The following ASB3 variants were observed in gnomAD, a reference collection of about 807,000 sequenced individuals.
ASB3 encodes the protein ankyrin repeat and SOCS box protein 3.
A neutral mutation model predicts 54.5 loss-of-function variants in ASB3; 41 were observed. The observed-to-expected ratio is 0.75, with a 90% CI of 0.59 to 0.98. ASB3 has a LOEUF of 0.98. Ranked by LOEUF, ASB3 falls within the 50% of genes least tolerant of loss-of-function variation. The pLI, the probability that ASB3 is intolerant of heterozygous loss-of-function variation, is 0.00. For synonymous variants in ASB3, 266 were observed against 221.2 expected (o/e 1.20, Z -1.80); for missense variants, 733 against 620.0 (o/e 1.18, Z -1.94).
At chr2:53,748,073 A>C (rs952992603) in intron 3 of ASB3, among the ~76,000 whole-genome samples, 8 of 152,174 alleles carry the variant, frequency 5.3e-5, no homozygotes, top group African/African-American at 1.9e-4. Context: ...TCACCTGTAA[A>C]AGTGGGAATA....
rs779525310 is a variant in ASB3 at position 53,728,850 on chromosome 2, A to G, written c.469-3T>C. 1.9e-6 allele frequency: 3 copies of G among 1,595,294 alleles called. No individual in the cohort carries two copies. Among genetic ancestry groups the G allele is most frequent in the South Asian group, 2.3e-5 (2 of 87,740 alleles). On this transcript the variant is annotated splice_polypyrimidine_tract_variant and splice_region_variant and intron_variant, in intron 4 of 9. Transcript: ENST00000263634. Reference sequence around the variant, plus strand: ...AATTTTATGATCTCAGCATTTTCCTAAAGCACAGATTCACATTTTAAATAA... The same window carrying G: ...AATTTTATGATCTCAGCATTTTCCTGAAGCACAGATTCACATTTTAAATAA...
intron 9 of ASB3, among the ~76,000 whole-genome samples, chr2:53,689,091 A>T (rs1045036954): frequency 2.6e-5 from 4 of 152,142 alleles, no homozygotes; most frequent in African/African-American, 9.7e-5. Context: ...ATGAAATTTT[A>T]AAGAGGGTCT....
At chr2:53,708,035 C>G (rs1359910762) in intron 7 of ASB3, among the ~76,000 whole-genome samples, 1 of 152,092 alleles carries the variant, frequency 6.6e-6, no homozygotes, top group East Asian at 1.9e-4. Flanking sequence ...AGTCCCCACC[C>G]TAGATCTACT....
At chr2:53,722,109 T>A (rs1268250291) in intron 5 of ASB3, among the ~76,000 whole-genome samples, 1 of 150,262 alleles carries the variant, frequency 6.7e-6, no homozygotes, top group Admixed American at 6.6e-5. Flanking sequence ...AATCACACAA[T>A]CTCTCAAGAC....
chr2:53,717,537 A>T (rs944585311), intron 5 of ASB3, among the ~76,000 whole-genome samples: 28 of 152,190 alleles, frequency 1.8e-4, no homozygotes, highest in Admixed American at 1.8e-3. Flanking sequence ...GAAAAAGAAA[A>T]AAATCCCACC....
chr2:53,718,062 T>A (rs1456628089), intron 5 of ASB3, among the ~76,000 whole-genome samples: 1 of 152,132 alleles, frequency 6.6e-6, no homozygotes, highest in African/African-American at 2.4e-5. Flanking sequence ...AATCTATGAA[T>A]TATTGGTATT....
At chr2:53,735,013 A>C (rs1171794172) in intron 3 of ASB3, among the ~76,000 whole-genome samples, 1 of 144,088 alleles carries the variant, frequency 6.9e-6, no homozygotes, top group Non-Finnish European at 1.5e-5. Context: ...TCCACCTCCC[A>C]GGTTGAAGCG....
chr2:53,778,149 CAAAAAAAAAA>C lies in ASB3; in HGVS notation c.-14+8662_-14+8671del, dbSNP rs34356077. Among the ~76,000 whole-genome samples, 14 of 62,650 alleles carry C rather than the reference CAAAAAAAAAA, an allele frequency of 2.2e-4. No homozygotes were observed. The South Asian group carries it at 8.8e-3, about 39-fold the overall frequency. The allele number at this position is 62,650 out of a possible 152,430, so 41.1% of individuals were successfully genotyped here. A position where few individuals can be genotyped will look rare whatever the true frequency, so the allele number is the denominator to read the frequency against. Reference sequence around the variant, plus strand: ...GCGCAACAGAGCAGGATTCTTGTCTCAAAAAAAAAAAAAAAAAAAAAAAGAGTGTAAGCAA... The same window carrying C: ...GCGCAACAGAGCAGGATTCTTGTCTCAAAAAAAAAAAAAGAGTGTAAGCAA... On this transcript the variant is annotated intron_variant, in intron 1 of 9. Coordinates refer to ENST00000263634, the MANE Select transcript of ASB3 (RefSeq NM_016115.5).
In ASB3 at chr2:53,774,541, A is replaced by C. The variant is rs376239605; in HGVS notation, c.-13-8956T>G. 9.3e-6 allele frequency: 14 copies of C among 1,504,988 alleles called. No individual in the cohort carries two copies. The African/African-American group carries it at 1.3e-4, about 14-fold the overall frequency. The allele number at this position is 1,504,988 out of a possible 1,614,324, so 93.2% of individuals were successfully genotyped here. A position where few individuals can be genotyped will look rare whatever the true frequency, so the allele number is the denominator to read the frequency against. On this transcript the variant is annotated intron_variant, in intron 1 of 9. Transcript: ENST00000263634. ...TTGCATATAATTTAGTCTTCAGAGA[A>C]TTAACTTCAGTGCACAATGACAATA...
At chr2:53,765,740 G>A (rs577755173) in intron 1 of ASB3, among the ~76,000 whole-genome samples, 155 bp from the exon 2 acceptor site, 1 of 152,298 alleles carries the variant, frequency 6.6e-6, no homozygotes, top group Non-Finnish European at 1.5e-5. Context: ...CACAGTCTCT[G>A]CTGGTGCCTA....
chr2:53,703,869 C>T (rs1391531089), intron 7 of ASB3, among the ~76,000 whole-genome samples: 4 of 152,094 alleles, frequency 2.6e-5, no homozygotes, highest in Non-Finnish European at 5.9e-5. Context: ...TATCATAACA[C>T]ATTGTTGCTA....
chr2:53,716,863 G>T, intron 5 of ASB3, 120 bp from the exon 6 acceptor site: 1 of 1,112,456 alleles, frequency 9.0e-7, no homozygotes, highest in Non-Finnish European at 1.2e-6. Context: ...CCTCTTCACT[G>T]AATGTTGGAT....
At chr2:53,687,483 C>T (rs1668691513) in intron 9 of ASB3, among the ~76,000 whole-genome samples, 2 of 152,216 alleles carry the variant, frequency 1.3e-5, no homozygotes, top group Admixed American at 1.3e-4. Context: ...AATACTGCCT[C>T]ACCCAGGTGA....
At chr2:53,688,248 C>T (rs1333930628) in intron 9 of ASB3, among the ~76,000 whole-genome samples, 1 of 152,212 alleles carries the variant, frequency 6.6e-6, no homozygotes, top group East Asian at 1.9e-4. Context: ...CTTAATACAA[C>T]ACAGGTTTAC....
At chr2:53,767,991 C>T (rs758240577) in intron 1 of ASB3, 39 of 1,611,344 alleles carry the variant, frequency 2.4e-5, no homozygotes, top group Non-Finnish European at 3.1e-5. Flanking sequence ...TCTGGCAGGG[C>T]AGCACGGACC....
At chr2:53,746,137 TA>T (rs1321730272) in intron 3 of ASB3, among the ~76,000 whole-genome samples, 1 of 150,918 alleles carries the variant, frequency 6.6e-6, no homozygotes, top group Non-Finnish European at 1.5e-5. Flanking sequence ...AATTAAACAT[TA>T]AAAAAAAATT....
At chr2:53,774,233 G>C in intron 1 of ASB3, 1 of 1,614,108 alleles carries the variant, frequency 6.2e-7, no homozygotes, top group Non-Finnish European at 8.5e-7. Flanking sequence ...GGAGGCTACA[G>C]AACCACAACA....
intron 9 of ASB3, among the ~76,000 whole-genome samples, chr2:53,685,347 G>A (rs1051729444): frequency 6.6e-6 from 1 of 152,136 alleles, no homozygotes; most frequent in African/African-American, 2.4e-5. Context: ...ACCATATATG[G>A]TAACCTATCA....
In ASB3 at chr2:53,689,673, C is replaced by T. The variant is rs969951705; in HGVS notation, c.1369+4211G>A. On this transcript the variant is annotated intron_variant, in intron 9 of 9. Transcript: ENST00000263634. The stretch of plus-strand genomic sequence containing the variant: ...AAAAGAACATTGCTCAAAACTAGGG[C>T]ATTGCTCAAAGTTTCAAGGGAAATT... Among the ~76,000 whole-genome samples the T allele has an allele frequency of 1.3e-4, 20 of 152,170 alleles. 2 individuals carry two copies. Among genetic ancestry groups the T allele is most frequent in the Admixed American group, 1.3e-3 (20 of 15,278 alleles).
Sources: allele counts gnomAD v4.1 joint callset (sites outside exome capture counted in the v4.1 genomes callset), GRCh38; gene constraint gnomAD v4.1.1; transcripts MANE v1.5; gene names NCBI Gene and HGNC (gene_info 2026-07-23, HGNC 2026-07-21).